ASIC2: variants seen among roughly 807,000 people sequenced by gnomAD.
ASIC2 encodes acid sensing ion channel subunit 2, also known as acid-sensing ion channel 2.
In ASIC2, 25 loss-of-function variants were observed where a neutral mutation model predicts 57.3. That is an observed-to-expected ratio of 0.44 (90% CI 0.32 to 0.61). ASIC2 has a LOEUF of 0.61. ASIC2 is among the 20% of genes least tolerant of loss of function. The pLI is 0.06. For missense variants in ASIC2, 641 were observed against 738.1 expected, an observed-to-expected ratio of 0.87 and a Z score of 1.52; for synonymous variants, 319 against 307.5, an observed-to-expected ratio of 1.04 and a Z score of -0.39.
At chr17:33,135,267 T>C (rs1567757982) in intron 1 of ASIC2, among the ~76,000 whole-genome samples, 1 of 152,128 alleles carries the variant, frequency 6.6e-6, no homozygotes, top group Non-Finnish European at 1.5e-5. Flanking sequence ...CCACTGCTCT[T>C]CTGCCTGCCT....
intron 1 of ASIC2, among the ~76,000 whole-genome samples, chr17:33,511,901 C>T (rs1914441160): frequency 1.3e-5 from 2 of 152,192 alleles, no homozygotes; most frequent in African/African-American, 2.4e-5. Context: ...AAGAACCAAG[C>T]CTGGGGCTTC....
chr17:33,742,060 T>A (rs537345301), intron 1 of ASIC2, among the ~76,000 whole-genome samples: 1 of 152,158 alleles, frequency 6.6e-6, no homozygotes, highest in Non-Finnish European at 1.5e-5. Flanking sequence ...TTAGGAGAAA[T>A]GGGGCCTGCA....
At chr17:33,459,719 C>T (rs1004267375) in intron 1 of ASIC2, among the ~76,000 whole-genome samples, 1 of 152,142 alleles carries the variant, frequency 6.6e-6, no homozygotes, top group Non-Finnish European at 1.5e-5. Context: ...CAGGGCTGGC[C>T]GTGCCTGTGG....
intron 1 of ASIC2, among the ~76,000 whole-genome samples, chr17:33,860,735 T>C (rs1390517064): frequency 6.6e-6 from 1 of 152,218 alleles, no homozygotes; most frequent in African/African-American, 2.4e-5. Context: ...CACAGATATA[T>C]TTTTGCTGCC....
chr17:33,294,335 G>A (rs1905634123), upstream of ASIC2, among the ~76,000 whole-genome samples: 1 of 152,162 alleles, frequency 6.6e-6, no homozygotes, highest in Non-Finnish European at 1.5e-5. Flanking sequence ...GGGAGAGGAG[G>A]CTTGGGGAAG....
At chr17:33,024,142 G>A (rs1598239193) in intron 5 of ASIC2, 128 bp from the exon 6 acceptor site, 1 of 1,272,356 alleles carries the variant, frequency 7.9e-7, no homozygotes, top group East Asian at 2.3e-5. Context: ...AAAGTGAGGG[G>A]CAGGGATTGT....
At chr17:34,117,188 G>T (rs1158778739) in intron 1 of ASIC2, among the ~76,000 whole-genome samples, 1 of 152,018 alleles carries the variant, frequency 6.6e-6, no homozygotes, top group Admixed American at 6.6e-5. Context: ...CATCTATATG[G>T]GCTACACAGT....
chr17:33,275,445 G>A (rs915681321), intron 1 of ASIC2, among the ~76,000 whole-genome samples: 2 of 152,172 alleles, frequency 1.3e-5, no homozygotes, highest in South Asian at 2.1e-4. Flanking sequence ...TAATAAAAAC[G>A]CCTACAGGTA....
intron 1 of ASIC2, among the ~76,000 whole-genome samples, chr17:33,827,125 T>C (rs1457261858): frequency 1.3e-5 from 2 of 152,088 alleles, no homozygotes; most frequent in Non-Finnish European, 2.9e-5. Context: ...CTTACAGAAA[T>C]ACTTCAAGCC....
At chr17:33,031,527 G>A (rs111831910) in intron 3 of ASIC2, among the ~76,000 whole-genome samples, 1,547 of 152,088 alleles carry the variant, frequency 0.01, 32 homozygotes, top group African/African-American at 0.036. Flanking sequence ...ATCAATGTTC[G>A]ATTTTGTTGA....
chr17:33,407,034 A>G (rs1910497074), intron 1 of ASIC2, among the ~76,000 whole-genome samples: 2 of 152,272 alleles, frequency 1.3e-5, no homozygotes, highest in Admixed American at 6.5e-5. Flanking sequence ...TAGAGCTACC[A>G]TTTTCTAGCC....
chr17:33,244,540 C>T (rs1030971325), intron 1 of ASIC2, among the ~76,000 whole-genome samples: 13 of 152,192 alleles, frequency 8.5e-5, no homozygotes, highest in African/African-American at 3.1e-4. Context: ...AATGTTTACG[C>T]AGACACAAAG....
intron 1 of ASIC2, among the ~76,000 whole-genome samples, chr17:34,095,588 G>A (rs1910488308): frequency 7.7e-6 from 1 of 130,354 alleles, no homozygotes; most frequent in South Asian, 2.4e-4. Flanking sequence ...GGGAAGAGTT[G>A]GGGAGAAGCA....
At chr17:33,831,375 C>T (rs560609910) in intron 1 of ASIC2, among the ~76,000 whole-genome samples, 1 of 152,032 alleles carries the variant, frequency 6.6e-6, no homozygotes, top group South Asian at 2.1e-4. Context: ...GATTAAGTGT[C>T]CCTCAAGTGC....
intron 1 of ASIC2, among the ~76,000 whole-genome samples, chr17:33,951,724 A>G (rs183544972): frequency 0.041 from 6,187 of 150,352 alleles, 439 homozygotes; most frequent in African/African-American, 0.14. Context: ...CTGGGACTAC[A>G]GGCGTGTGCC....
intron 3 of ASIC2, among the ~76,000 whole-genome samples, chr17:33,073,586 A>G (rs2092077907): frequency 6.6e-6 from 1 of 152,190 alleles, no homozygotes; most frequent in African/African-American, 2.4e-5. Flanking sequence ...GACCATCACA[A>G]TGGGGATCCC....
chr17:33,471,224 G>C (rs984442421), intron 1 of ASIC2, among the ~76,000 whole-genome samples: 1 of 152,122 alleles, frequency 6.6e-6, no homozygotes, highest in Non-Finnish European at 1.5e-5. Flanking sequence ...GTGATCGTTA[G>C]TGTGAGAGAA....
intron 1 of ASIC2, among the ~76,000 whole-genome samples, chr17:33,758,190 A>G (rs2142110149): frequency 6.6e-6 from 1 of 152,190 alleles, no homozygotes; most frequent in South Asian, 2.1e-4. Context: ...GTGTGTATAT[A>G]TGTGTGTGTA....
rs1361719497 is a variant in ASIC2, at chr17:33,915,288, C to G, written c.555+240690G>C. Reference sequence around the variant, plus strand: ...AAGAAAGCCCATCATTTGCCAGGGGCTTCTCAGTTCTTTTGTATTTGTCCT... The same window carrying G: ...AAGAAAGCCCATCATTTGCCAGGGGGTTCTCAGTTCTTTTGTATTTGTCCT... On this transcript the variant is annotated intron_variant, in intron 1 of 9. Coordinates refer to the ASIC2 transcript ENST00000359872. 2.6e-5 allele frequency among the ~76,000 whole-genome samples: 4 copies of G among 152,206 alleles called. No homozygotes were observed. The East Asian group carries it at 7.7e-4, about 29-fold the overall frequency.
Sources: gnomAD v4.1 joint callset for allele counts (sites outside exome capture counted in the v4.1 genomes callset) on GRCh38, gnomAD v4.1.1 for gene constraint, MANE v1.5 for transcripts, NCBI Gene and HGNC (gene_info 2026-07-23, HGNC 2026-07-21) for gene names.